Variants in XG observed in about 807,000 individuals in gnomAD.
XG encodes glycoprotein Xg.
A neutral mutation model predicts 25.7 loss-of-function variants in XG; 24 were observed. That is an observed-to-expected ratio of 0.93 (90% confidence interval 0.68 to 1.31). The LOEUF (loss-of-function observed/expected upper bound fraction) is 1.31. Among genes scored for constraint, XG ranks in the 40% most tolerant of loss-of-function variants. The pLI, the probability that XG is intolerant of heterozygous loss-of-function variation, is 0.00. For synonymous variants in XG, 77 were observed against 69.2 expected, an observed-to-expected ratio of 1.11 and a Z score of -0.56; for missense variants, 181 against 187.6, an observed-to-expected ratio of 0.96 and a Z score of 0.21.
intron 7 of XG, among the ~76,000 whole-genome samples, chrX:2,804,549 C>G (rs1181974015): frequency 9.0e-6 from 1 of 111,466 alleles, no homozygotes; most frequent in Non-Finnish European, 1.9e-5. Context: ...CGAGCCGTCC[C>G]CACACCCCTA....
At chrX:2,762,370 G>T (rs1212973196) in intron 1 of XG, among the ~76,000 whole-genome samples, 1 of 152,134 alleles carries the variant, frequency 6.6e-6, no homozygotes, top group African/African-American at 2.4e-5. Flanking sequence ...GGGGCCAGTT[G>T]GTTGACCTTC....
intron 7 of XG, among the ~76,000 whole-genome samples, chrX:2,801,316 G>A (rs2086934737): frequency 9.2e-6 from 1 of 109,256 alleles, no homozygotes; most frequent in African/African-American, 3.4e-5. Context: ...GAGGAGAGCA[G>A]CTCCTTGCAA....
At chrX:2,779,135 A>G (rs2051064874) in intron 3 of XG, among the ~76,000 whole-genome samples, 1 of 151,686 alleles carries the variant, frequency 6.6e-6, no homozygotes, top group Admixed American at 6.6e-5. Flanking sequence ...TTTTTTTTGA[A>G]AAATAGAGGG....
intron 8 of XG, among the ~76,000 whole-genome samples, chrX:2,807,475 C>G (rs999622357): frequency 2.7e-5 from 3 of 110,114 alleles, no homozygotes; most frequent in African/African-American, 9.8e-5. Context: ...TTTGTGTGTA[C>G]ATGCATGTGT....
intron 5 of XG, among the ~76,000 whole-genome samples, chrX:2,794,325 C>T (rs770424788): frequency 4.6e-4 from 52 of 112,284 alleles, no homozygotes; most frequent in Non-Finnish European, 8.1e-4. Context: ...ACACTGCAGA[C>T]GTTCTGGGCC....
At chrX:2,765,527 C>T (rs1054978921) in intron 1 of XG, among the ~76,000 whole-genome samples, 9 of 152,168 alleles carry the variant, frequency 5.9e-5, no homozygotes, top group Non-Finnish European at 1.2e-4. Flanking sequence ...TTGCACGTCC[C>T]GTAATGATTG....
intron 7 of XG, among the ~76,000 whole-genome samples, chrX:2,804,983 C>T (rs2086980718): frequency 8.9e-6 from 1 of 112,547 alleles, no homozygotes; most frequent in Admixed American, 9.4e-5. Context: ...CCTGTGCTCC[C>T]CTTCCTGCCT....
chrX:2,808,810 G>T (rs1228203128), intron 9 of XG, among the ~76,000 whole-genome samples: 2 of 111,426 alleles, frequency 1.8e-5, no homozygotes, highest in Admixed American at 1.9e-4. Context: ...TTTCAATTAT[G>T]GGGGAGGAGA....
Position 2,758,411 on chromosome X carries a change from C to T in XG, c.61+6076C>T, listed in dbSNP as rs1341042135. On this transcript the variant is annotated intron_variant, in intron 1 of 10. Coordinates refer to ENST00000644266, the MANE Select transcript of XG (RefSeq NM_001141919.2). Reference sequence around the variant, plus strand: ...AGAAGCACCCCAGGTGATGCCCAAGCGGAGCTATGTGCTTCTTTTAAGAGA... The same window carrying T: ...AGAAGCACCCCAGGTGATGCCCAAGTGGAGCTATGTGCTTCTTTTAAGAGA... Among the ~76,000 whole-genome samples, 7 of 152,258 alleles carry T rather than the reference C, an allele frequency of 4.6e-5. No individual in the cohort carries two copies. The South Asian group carries it at 1.2e-3, about 27-fold the overall frequency.
chrX:2,764,015 A>G (rs2050622233), intron 1 of XG, among the ~76,000 whole-genome samples: 1 of 152,158 alleles, frequency 6.6e-6, no homozygotes. Flanking sequence ...ATGAGATAGG[A>G]GGTTGACACA....
chrX:2,772,798 C>A (rs1372570510), intron 2 of XG, among the ~76,000 whole-genome samples: 2 of 152,196 alleles, frequency 1.3e-5, no homozygotes, highest in East Asian at 1.9e-4. Context: ...TAGAAGGCTG[C>A]CAGTGCCTGC....
At chrX:2,802,662 G>T (rs1211335263) in intron 7 of XG, among the ~76,000 whole-genome samples, 13 of 109,991 alleles carry the variant, frequency 1.2e-4, no homozygotes, top group Non-Finnish European at 2.5e-4. Context: ...CGCATTACCA[G>T]TCTGGGTGGC....
At chrX:2,796,482 G>GTGTGTA (rs1555894189) in intron 6 of XG, among the ~76,000 whole-genome samples, 25 of 102,311 alleles carry the variant, frequency 2.4e-4, no homozygotes, top group African/African-American at 9.1e-4. Context: ...GTGTGTGTGT[G>GTGTGTA]TGTGTGTATA....
Position 2,774,718 on chromosome X carries a change from C to T in XG, c.106C>T (p.Pro36Ser). The T allele has an allele frequency of 6.2e-7, 1 of 1,613,768 alleles. No homozygotes were observed. Among genetic ancestry groups the T allele is most frequent in the Non-Finnish European group, 8.5e-7 (1 of 1,179,838 alleles). The stretch of plus-strand genomic sequence containing the variant: ...TTATTTTCTCTCTTTGTTCACAGAA[C>T]CCACCAAGAAGCCAAACTCAGGTGA... Reference protein sequence around the residue: ...DLADALDDPEPTKKPNSDIYP... With the variant: ...DLADALDDPESTKKPNSDIYP... The change falls in exon 3 of 11, where the codon CCC becomes TCC. Residue 36 changes from proline (P) to serine (S), a missense_variant and splice_region_variant. By Grantham distance (74) the Pro-to-Ser change is moderately conservative. Coordinates refer to ENST00000644266, the MANE Select transcript of XG (RefSeq NM_001141919.2).
intron 10 of XG, among the ~76,000 whole-genome samples, chrX:2,812,045 T>G (rs1404567098): frequency 1.8e-5 from 2 of 111,536 alleles, no homozygotes; most frequent in Non-Finnish European, 3.8e-5. Context: ...CAACCTACAT[T>G]GCAAGACTAT....
intron 3 of XG, among the ~76,000 whole-genome samples, chrX:2,778,394 A>AAAT (rs2051047188): frequency 6.6e-6 from 1 of 152,112 alleles, no homozygotes; most frequent in African/African-American, 2.4e-5. Flanking sequence ...AAATTAAAAA[A>AAAT]AATTAGTGGA....
At chrX:2,757,115 C>G (rs2050453009) in intron 1 of XG, among the ~76,000 whole-genome samples, 1 of 152,032 alleles carries the variant, frequency 6.6e-6, no homozygotes, top group Non-Finnish European at 1.5e-5. Context: ...ATGATCTTCC[C>G]CTGGAGTTTG....
chrX:2,796,449 T>G (rs1056890822), intron 6 of XG, among the ~76,000 whole-genome samples: 3 of 93,932 alleles, frequency 3.2e-5, no homozygotes, highest in Non-Finnish European at 4.2e-5. Context: ...CATGTATATA[T>G]GTATATACAT....
In XG at chrX:2,775,595, T is replaced by C. The variant is rs2050961602; in HGVS notation, c.127+856T>C. On this transcript the variant is annotated intron_variant, in intron 3 of 10. Coordinates refer to ENST00000644266, the MANE Select transcript of XG (RefSeq NM_001141919.2). ...GTGAATATTCTAAGTGCCCCTGAAT[T>C]ATTCACTTTTAAATGGTTAATTATA... Among the ~76,000 whole-genome samples, 3 of 152,152 alleles carry C rather than the reference T, an allele frequency of 2.0e-5. 1 individual carries two copies. In the South Asian group the frequency reaches 6.2e-4, roughly 32 times the overall value.
Sources: gnomAD v4.1 joint callset for allele counts (sites outside exome capture counted in the v4.1 genomes callset) on GRCh38, gnomAD v4.1.1 for gene constraint, MANE v1.5 for transcripts, NCBI Gene and HGNC (gene_info 2026-07-23, HGNC 2026-07-21) for gene names.